The following LMO1 variants were observed in gnomAD, a reference collection of about 807,000 sequenced individuals.
LMO1 encodes the protein LIM domain only 1, also known as rhombotin-1.
A neutral mutation model predicts 18.0 loss-of-function variants in LMO1; 10 were observed. The observed-to-expected ratio is 0.55, with a 90% CI of 0.34 to 0.94. LMO1 has a LOEUF of 0.94. Among genes scored for constraint, LMO1 ranks in the 40% least tolerant of loss-of-function variants. The pLI is 0.02. For synonymous variants in LMO1, 77 were observed against 77.9 expected (o/e 0.99, Z 0.06); for missense variants, 183 against 205.7 (o/e 0.89, Z 0.68).
chr11:8,239,235 T>G (rs145766227), intron 1 of LMO1, among the ~76,000 whole-genome samples: 203 of 152,212 alleles, frequency 1.3e-3, no homozygotes, highest in African/African-American at 4.7e-3. Context: ...CAGATGGTGC[T>G]GGGGTGGGGG....
chr11:8,262,037 G>A (rs150638844), intron 1 of LMO1, among the ~76,000 whole-genome samples: 4 of 152,292 alleles, frequency 2.6e-5, no homozygotes, highest in Non-Finnish European at 5.9e-5. Context: ...GCAGCCTGGG[G>A]GCATCGGCAC....
intron 1 of LMO1, among the ~76,000 whole-genome samples, chr11:8,246,239 T>G (rs1846891841): frequency 6.6e-6 from 1 of 152,102 alleles, no homozygotes; most frequent in African/African-American, 2.4e-5. Flanking sequence ...AATTTGTACA[T>G]GAACGTTCCT....
upstream of LMO1, among the ~76,000 whole-genome samples, chr11:8,265,991 A>G (rs1187033521): frequency 6.7e-6 from 1 of 150,210 alleles, no homozygotes; most frequent in Non-Finnish European, 1.5e-5. Flanking sequence ...TCAGCCTCCA[A>G]GGTACCTAAT....
chr11:8,251,872 A>AAT (rs1554994029), intron 1 of LMO1, among the ~76,000 whole-genome samples: 5 of 29,568 alleles, frequency 1.7e-4, no homozygotes, highest in African/African-American at 6.1e-4. Context: ...AATGTGTGTG[A>AAT]GTGTGTGTGT....
At chr11:8,268,713 G>C (rs1392860389), upstream of LMO1, 4 of 241,264 alleles carry the variant, frequency 1.7e-5, no homozygotes, top group South Asian at 3.6e-4. Context: ...GCAGCTGCCC[G>C]GGCCGGGCCG....
chr11:8,263,459 A>G lies in LMO1; in HGVS notation c.-97T>C. On this transcript the variant is annotated 5_prime_UTR_variant, in exon 1 of 4. Transcript: ENST00000335790. ...AGGGGCGGCCGGTCTTCGGGCAGCT[A>G]GCGGGCTCTAATTACCCGCTTGTCC... is the stretch of plus-strand genomic sequence containing the variant. 2 of 1,552,854 alleles carry G rather than the reference A, an allele frequency of 1.3e-6. No homozygotes were observed. The highest frequency in any genetic ancestry group is 1.7e-6 in the Non-Finnish European group (2 of 1,157,700).
chr11:8,239,765 C>G (rs960591741), intron 1 of LMO1, among the ~76,000 whole-genome samples: 2 of 152,196 alleles, frequency 1.3e-5, no homozygotes, highest in Non-Finnish European at 2.9e-5. Context: ...CTTGTCTGCT[C>G]TAAGTGCCAA....
At chr11:8,262,694 C>G (rs1847206537) in intron 1 of LMO1, among the ~76,000 whole-genome samples, 1 of 152,238 alleles carries the variant, frequency 6.6e-6, no homozygotes. Flanking sequence ...GCCAAACTCC[C>G]GCCTCCGCGC....
At chr11:8,255,877 G>A (rs1264866418) in intron 1 of LMO1, among the ~76,000 whole-genome samples, 7 of 135,436 alleles carry the variant, frequency 5.2e-5, no homozygotes, top group Admixed American at 5.0e-4. Flanking sequence ...CCAGGCTGGA[G>A]TGCAGTGGCG....
At chr11:8,255,025 C>T (rs1847065951) in intron 1 of LMO1, among the ~76,000 whole-genome samples, 1 of 152,164 alleles carries the variant, frequency 6.6e-6, no homozygotes, top group African/African-American at 2.4e-5. Context: ...ACAAAAATGG[C>T]CCCAATTCTC....
chr11:8,243,102 C>T (rs1384197409), intron 1 of LMO1, among the ~76,000 whole-genome samples: 5 of 152,116 alleles, frequency 3.3e-5, no homozygotes, highest in Admixed American at 1.3e-4. Context: ...CCCCCAAGAG[C>T]GGCAGGGATG....
At chr11:8,239,330 G>T (rs1181499928) in intron 1 of LMO1, among the ~76,000 whole-genome samples, 1 of 152,202 alleles carries the variant, frequency 6.6e-6, no homozygotes, top group East Asian at 1.9e-4. Flanking sequence ...GTGGACCACA[G>T]GACTTTCCCA....
chr11:8,237,186 G>T (rs1952775089), intron 1 of LMO1, among the ~76,000 whole-genome samples: 1 of 152,030 alleles, frequency 6.6e-6, no homozygotes, highest in African/African-American at 2.4e-5. Flanking sequence ...GGTCTCGGGG[G>T]TCTGGGTCCC....
At chr11:8,267,942 C>T (rs1847277625), upstream of LMO1, among the ~76,000 whole-genome samples, 1 of 152,214 alleles carries the variant, frequency 6.6e-6, no homozygotes, top group Non-Finnish European at 1.5e-5. Flanking sequence ...TTGACGGCAC[C>T]CTCACCCCTG....
At chr11:8,258,359 C>T (rs1274468542) in intron 1 of LMO1, among the ~76,000 whole-genome samples, 1 of 152,202 alleles carries the variant, frequency 6.6e-6, no homozygotes, top group Admixed American at 6.5e-5. Context: ...TAGACCCCAA[C>T]GTGGCTCAAG....
intron 1 of LMO1, among the ~76,000 whole-genome samples, chr11:8,241,818 G>T (rs555360286): frequency 4.6e-5 from 7 of 151,278 alleles, no homozygotes; most frequent in Non-Finnish European, 1.0e-4. Flanking sequence ...AAGTCTGATT[G>T]ATTGGGTACT....
chr11:8,224,956 A>T (rs1952506872), intron 3 of LMO1, among the ~76,000 whole-genome samples: 1 of 152,138 alleles, frequency 6.6e-6, no homozygotes, highest in Non-Finnish European at 1.5e-5. Flanking sequence ...GGTAGGACAG[A>T]CAGACAGTTG....
At chr11:8,240,454 G>A (rs978283066) in intron 1 of LMO1, among the ~76,000 whole-genome samples, 7 of 152,324 alleles carry the variant, frequency 4.6e-5, no homozygotes, top group Admixed American at 2.0e-4. Flanking sequence ...TAAGGGGACT[G>A]TCTTAGTCGG....
intron 1 of LMO1, among the ~76,000 whole-genome samples, chr11:8,233,234 A>AGCCT (rs565694797): frequency 1.9e-3 from 292 of 152,206 alleles, no homozygotes; most frequent in African/African-American, 6.3e-3. Context: ...CTGGCTGAGA[A>AGCCT]GGCCCCAGAG....
Sources: gnomAD v4.1 joint callset for allele counts (sites outside exome capture counted in the v4.1 genomes callset) on GRCh38, gnomAD v4.1.1 for gene constraint, MANE v1.5 for transcripts, NCBI Gene and HGNC (gene_info 2026-07-23, HGNC 2026-07-21) for gene names.